Variants in RBM19 observed in about 807,000 individuals in gnomAD.
RBM19 encodes the protein probable RNA-binding protein 19.
In RBM19, 94 loss-of-function variants were observed where a neutral mutation model predicts 116.8. The ratio of observed to expected loss-of-function variants is 0.80; its 90% CI spans 0.68 to 0.95. The LOEUF is 0.95. Ranked by LOEUF, RBM19 falls within the 40% of genes least tolerant of loss-of-function variation. The pLI is 0.00. For synonymous variants in RBM19, 475 were observed against 494.1 expected (o/e 0.96, Z 0.51); for missense variants, 1,161 against 1,220.7 (o/e 0.95, Z 0.73).
chr12:113,961,247 A>G (rs1170379749), intron 2 of RBM19, among the ~76,000 whole-genome samples: 2 of 151,860 alleles, frequency 1.3e-5, no homozygotes, highest in African/African-American at 4.8e-5. Flanking sequence ...GCTGGTCTTG[A>G]ACTCCTGGCT....
Position 113,959,239 on chromosome 12 carries a change from C to T in RBM19, c.544G>A (p.Glu182Lys). 1.2e-6 allele frequency: 2 copies of T among 1,612,670 alleles called. No individual in the cohort carries two copies. The highest frequency in any genetic ancestry group is 1.7e-6 in the Non-Finnish European group (2 of 1,179,552). The change falls in exon 5 of 24, where the codon GAG becomes AAG. Residue 182 changes from glutamate to lysine, a missense_variant. Transcript: ENST00000261741. ...TCCAGGTCCTCCCCGGCTCCCTCCTCCTCACTCTCCTGCCCAGAATCGGAG... is the reference window on the plus strand; with the variant it reads ...TCCAGGTCCTCCCCGGCTCCCTCCTTCTCACTCTCCTGCCCAGAATCGGAG... Reference protein sequence around the residue: ...FDSDSGQESEEEGAGEDLEEE... With the variant: ...FDSDSGQESEKEGAGEDLEEE...
In RBM19 at chr12:113,920,703, G is replaced by A; in HGVS notation, c.2306-13C>T. 1.2e-6 allele frequency: 2 copies of A among 1,610,872 alleles called. No homozygotes were observed. Among genetic ancestry groups the A allele is most frequent in the Non-Finnish European group, 1.7e-6 (2 of 1,177,160 alleles). ...GAAAGGAGCACTCCTGAGAGAGAGAGGTGGAAATCACACCAGTCGGTGAAG... is the reference window on the plus strand; with the variant it reads ...GAAAGGAGCACTCCTGAGAGAGAGAAGTGGAAATCACACCAGTCGGTGAAG... On this transcript the variant is annotated splice_polypyrimidine_tract_variant and intron_variant, in intron 18 of 23. Transcript: ENST00000261741.
chr12:113,863,836 T>A (rs1238687269), intron 21 of RBM19, among the ~76,000 whole-genome samples: 2 of 152,226 alleles, frequency 1.3e-5, no homozygotes, highest in East Asian at 3.9e-4. Flanking sequence ...AATAGCTCAA[T>A]CTCTTGGCAT....
intron 7 of RBM19, among the ~76,000 whole-genome samples, chr12:113,953,989 A>G (rs561225999): frequency 5.3e-5 from 8 of 152,260 alleles, no homozygotes; most frequent in South Asian, 2.1e-4. Context: ...ATTATTATTT[A>G]TAACAGCAAA....
chr12:113,892,994 G>A (rs1217384949), intron 21 of RBM19, among the ~76,000 whole-genome samples: 1 of 151,176 alleles, frequency 6.6e-6, no homozygotes, highest in Non-Finnish European at 1.5e-5. Flanking sequence ...ATGTCTATGC[G>A]GGTCTACTCA....
At chr12:113,854,974 C>T (rs1877778026) in intron 22 of RBM19, among the ~76,000 whole-genome samples, 1 of 152,256 alleles carries the variant, frequency 6.6e-6, no homozygotes, top group African/African-American at 2.4e-5. Context: ...TGCCTGGTTA[C>T]TCTGAGCTCT....
rs2135674273 is a variant in RBM19 at position 113,823,046 on chromosome 12, T to C, written c.*178A>G. 1.6e-6 allele frequency: 1 copy of C among 608,522 alleles called. No individual in the cohort carries two copies. The allele number at this position is 608,522 out of a possible 1,614,324, so 37.7% of individuals were successfully genotyped here. On this transcript the variant is annotated 3_prime_UTR_variant, in exon 24 of 24. Transcript: ENST00000261741. ...GTGAAACCCAGGATGCCTGGGCCGC[T>C]GGGCAGTGGCCTGAGGCCTTCCTCA...
chr12:113,836,710 G>A (rs190346593), intron 23 of RBM19, among the ~76,000 whole-genome samples: 8 of 152,170 alleles, frequency 5.3e-5, no homozygotes, highest in Admixed American at 4.6e-4. Context: ...GCCAGGCTCT[G>A]TGCTATGCCA....
chr12:113,826,533 C>T (rs570026620), intron 23 of RBM19, among the ~76,000 whole-genome samples: 1 of 152,368 alleles, frequency 6.6e-6, no homozygotes, highest in Non-Finnish European at 1.5e-5. Flanking sequence ...CATCCCCTCA[C>T]ATGACGGAGA....
chr12:113,913,595 A>G (rs1882586261), intron 21 of RBM19, among the ~76,000 whole-genome samples: 1 of 152,250 alleles, frequency 6.6e-6, no homozygotes. Flanking sequence ...AGTTCCCCAC[A>G]TGACTTCTTA....
At chr12:113,949,131 A>G (rs9668746) in intron 9 of RBM19, 95 bp from the exon 10 acceptor site, 139,682 of 1,169,586 alleles carry the variant, frequency 0.12, 10,258 homozygotes, top group African/African-American at 0.32. Context: ...CTGCCTTCCA[A>G]AAAACACAAT....
intron 17 of RBM19, 69 bp downstream of exon 17, chr12:113,926,985 A>C: frequency 6.7e-7 from 1 of 1,493,386 alleles, no homozygotes; most frequent in South Asian, 1.3e-5. Context: ...GAATAAATGC[A>C]GTGGCCGTAT....
At chr12:113,819,010 T>G (rs1477917336), downstream of RBM19, among the ~76,000 whole-genome samples, 1 of 152,226 alleles carries the variant, frequency 6.6e-6, no homozygotes, top group Non-Finnish European at 1.5e-5. Flanking sequence ...CTGGAGTTTC[T>G]CTTCTACCAG....
chr12:113,823,370 T>C, intron 23 of RBM19, 49 bp from the exon 24 acceptor site: 1 of 1,536,398 alleles, frequency 6.5e-7, no homozygotes, highest in African/African-American at 1.4e-5. Flanking sequence ...GCCGAGAGGG[T>C]TGGGAGGCAG....
intron 23 of RBM19, among the ~76,000 whole-genome samples, chr12:113,836,337 A>C (rs964401): frequency 0.35 from 52,498 of 151,968 alleles, 9,260 homozygotes; most frequent in South Asian, 0.38. Flanking sequence ...GTCTGGTGTC[A>C]AGGTCTTTGC....
At position 113,864,362 on chromosome 12, in the gene RBM19, C is replaced by G. The variant is rs369507295; in HGVS notation, c.2559-5466G>C. Among the ~76,000 whole-genome samples the G allele has an allele frequency of 4.6e-3, 707 of 152,288 alleles. 6 individuals carry two copies. Among genetic ancestry groups the G allele is most frequent in the African/African-American group, 0.015 (630 of 41,566 alleles). ...CAGCCAGTGAGCTCCCTCCCCTCTT[C>G]CTCAGATGCTCAAGAAGACTATGGG... On this transcript the variant is annotated intron_variant, in intron 21 of 23. Transcript: ENST00000261741.
At chr12:113,927,618 A>AC (rs1442806765) in intron 16 of RBM19, among the ~76,000 whole-genome samples, 5 of 152,026 alleles carry the variant, frequency 3.3e-5, no homozygotes, top group East Asian at 1.9e-4. Flanking sequence ...AAAAAAAAAA[A>AC]CCAGCACTTA....
intron 18 of RBM19, 128 bp from the exon 19 acceptor site, chr12:113,920,818 C>CA (rs1868479941): frequency 3.7e-6 from 3 of 814,150 alleles, no homozygotes; most frequent in Admixed American, 2.2e-5. Context: ...TCATTCCCCC[C>CA]AAAAATCTCA....
intron 19 of RBM19, among the ~76,000 whole-genome samples, chr12:113,918,876 A>G (rs1882942147): frequency 6.6e-6 from 1 of 152,218 alleles, no homozygotes; most frequent in Non-Finnish European, 1.5e-5. Context: ...CTCAAGGCAG[A>G]ACTGGTGTAT....
Sources: gnomAD v4.1 joint callset for allele counts (sites outside exome capture counted in the v4.1 genomes callset) on GRCh38, gnomAD v4.1.1 for gene constraint, MANE v1.5 for transcripts, NCBI Gene and HGNC (gene_info 2026-07-23, HGNC 2026-07-21) for gene names.